MKKS: variants seen among roughly 807,000 people sequenced by gnomAD.
The protein encoded by MKKS is molecular chaperone MKKS.
Under a neutral mutation model 33.2 loss-of-function variants are expected in MKKS, and 29 were observed. The observed-to-expected ratio is 0.87, with a 90% CI of 0.65 to 1.19. The LOEUF is 1.19. Among genes scored for constraint, MKKS ranks in the 50% most tolerant of loss-of-function variants. MKKS has a pLI of 0.00. For missense variants in MKKS, 661 were observed against 662.3 expected, an observed-to-expected ratio of 1.00 and a Z score of 0.02; for synonymous variants, 260 against 244.0, an observed-to-expected ratio of 1.07 and a Z score of -0.61.
chr20:10,423,383 T>C (rs953847183), intron 1 of MKKS, among the ~76,000 whole-genome samples: 1 of 151,910 alleles, frequency 6.6e-6, no homozygotes, highest in South Asian at 2.1e-4. Flanking sequence ...GATAACACCA[T>C]TGCACTCCAG....
chr20:10,415,998 C>T lies in MKKS; in HGVS notation c.-417-2067G>A, dbSNP rs190623695. Among the ~76,000 whole-genome samples, 241 of 152,178 alleles carry T rather than the reference C, an allele frequency of 1.6e-3. 1 individual carries two copies. Among genetic ancestry groups the T allele is most frequent in the Middle Eastern group, 0.014 (4 of 294 alleles). On this transcript the variant is annotated intron_variant, in intron 2 of 5. Transcript: ENST00000347364. ...AGAAAGAGAAAAGAGAAAAAAAAAC[C>T]AAACCACTGGGGCTGGTTTATAGAA...
In MKKS at chr20:10,401,555, C is replaced by G. The variant is rs984122285; in HGVS notation, c.*3692G>C. ...TAACCTAACTAATTGTATGTTTTGT[C>G]AAGGCCTGCATTGATTTTTTACATG... On this transcript the variant is annotated 3_prime_UTR_variant, in exon 6 of 6. Transcript: ENST00000347364. 1.3e-5 allele frequency: 2 copies of G among 152,126 alleles called. No individual in the cohort carries two copies. The highest frequency in any genetic ancestry group is 4.8e-5 in the African/African-American group (2 of 41,436). 9.4% of individuals were successfully genotyped at this position (152,126 alleles called of 1,614,324 possible). A position where few individuals can be genotyped will look rare whatever the true frequency, so the allele number is the denominator to read the frequency against.
chr20:10,416,988 T>C (rs1348281516), intron 2 of MKKS, among the ~76,000 whole-genome samples: 3 of 152,084 alleles, frequency 2.0e-5, no homozygotes, highest in Non-Finnish European at 4.4e-5. Flanking sequence ...AGAAAAAAAG[T>C]TTGCCAATTT....
At chr20:10,432,505 G>A (rs114264357) in intron 1 of MKKS, among the ~76,000 whole-genome samples, 1,840 of 152,210 alleles carry the variant, frequency 0.012, 35 homozygotes, top group African/African-American at 0.042. Context: ...TAAAAATTGT[G>A]TAGTAGGCCA....
At chr20:10,417,649 T>A (rs1044857434) in intron 2 of MKKS, among the ~76,000 whole-genome samples, 1 of 142,192 alleles carries the variant, frequency 7.0e-6, no homozygotes, top group Admixed American at 7.4e-5. Context: ...ATGCTACTGC[T>A]ACTGCACTGT....
At chr20:10,432,789 CAAAAAAAAAAAAAA>C (rs71184200) in intron 1 of MKKS, among the ~76,000 whole-genome samples, 2 of 74,560 alleles carry the variant, frequency 2.7e-5, no homozygotes, top group Admixed American at 1.9e-4. Context: ...GACTCTTTGT[CAAAAAAAAAAAAAA>C]AAAAAAAAAA....
chr20:10,406,473 C>A lies in MKKS; in HGVS notation c.1273-786G>T, dbSNP rs578192920. 1.4e-4 allele frequency among the ~76,000 whole-genome samples: 21 copies of A among 152,262 alleles called. 1 individual carries two copies. Among genetic ancestry groups the A allele is most frequent in the African/African-American group, 5.1e-4 (21 of 41,558 alleles). ...CTACAGTATTCAGTACAGTAATATG[C>A]TGTAAGGGTTTGTAGCCTAGGAGCA... On this transcript the variant is annotated intron_variant, in intron 5 of 5. Transcript: ENST00000347364.
At chr20:10,433,963 T>G (rs2065077059) in intron 1 of MKKS, 145 bp downstream of exon 1, 1 of 152,188 alleles carries the variant, frequency 6.6e-6, no homozygotes, top group Non-Finnish European at 1.5e-5. Context: ...AGAGCCAGCC[T>G]CCTCCTTGTC....
chr20:10,421,943 T>C (rs16991555), intron 1 of MKKS, among the ~76,000 whole-genome samples: 8,028 of 152,112 alleles, frequency 0.053, 254 homozygotes, highest in Admixed American at 0.079. Flanking sequence ...TGCTATGAAC[T>C]TGGCTCAATT....
At chr20:10,424,419 A>T (rs887940663) in intron 1 of MKKS, among the ~76,000 whole-genome samples, 5 of 152,124 alleles carry the variant, frequency 3.3e-5, no homozygotes, top group Non-Finnish European at 7.4e-5. Context: ...ATATTTTTAA[A>T]AAATGACATT....
At position 10,421,292 on chromosome 20, in the gene MKKS, C is replaced by T. The variant is rs543341081; in HGVS notation, c.-648-534G>A. Among the ~76,000 whole-genome samples, 322 of 151,732 alleles carry T rather than the reference C, an allele frequency of 2.1e-3. 2 individuals carry two copies. The highest frequency in any genetic ancestry group is 6.6e-3 in the African/African-American group (272 of 41,376). On this transcript the variant is annotated intron_variant, in intron 1 of 5. Transcript: ENST00000347364. ...TAAAAGTATTAGTCGGATATGGTGG[C>T]GCATGCCTGTAATCCTAGCTACTCT...
At chr20:10,421,856 T>C (rs183639212) in intron 1 of MKKS, among the ~76,000 whole-genome samples, 1 of 151,870 alleles carries the variant, frequency 6.6e-6, no homozygotes, top group East Asian at 1.9e-4. Context: ...ATCTGTTGGG[T>C]TTGGGAACTT....
chr20:10,404,357 C>CG lies in MKKS; in HGVS notation c.*889dup, dbSNP rs1298741765. The CG allele has an allele frequency of 3.3e-5, 5 of 151,430 alleles. No individual in the cohort carries two copies. The highest frequency in any genetic ancestry group is 5.9e-5 in the Non-Finnish European group (4 of 67,958). 9.4% of individuals were successfully genotyped at this position (151,430 alleles called of 1,614,324 possible). On this transcript the variant is annotated 3_prime_UTR_variant, in exon 6 of 6. Coordinates refer to ENST00000347364, the MANE Select transcript of MKKS (RefSeq NM_170784.3). ...CTCAACCAACAACAGTTTTGCTCTT[C>CG]GGGGGACATTTGGCAATGTCTGGAA...
chr20:10,406,925 T>A (rs1381586309), intron 5 of MKKS, among the ~76,000 whole-genome samples: 1 of 152,202 alleles, frequency 6.6e-6, no homozygotes, highest in East Asian at 1.9e-4. Context: ...AATCGATTGC[T>A]AATATCTGGA....
At position 10,428,959 on chromosome 20, in the gene MKKS, C is replaced by T. The variant is rs570092326; in HGVS notation, c.-649+5149G>A. ...TCTTTGGGGTTCTAACTTCATTATC[C>T]CCTCTCATCTACCTCCAACCTTCCA... On this transcript the variant is annotated intron_variant, in intron 1 of 5. Transcript: ENST00000347364. Among the ~76,000 whole-genome samples the T allele has an allele frequency of 1.3e-4, 20 of 152,126 alleles. 1 individual carries two copies. The highest frequency in any genetic ancestry group is 4.8e-4 in the African/African-American group (20 of 41,464).
intron 1 of MKKS, among the ~76,000 whole-genome samples, chr20:10,429,793 G>T (rs752759485): frequency 2.6e-5 from 4 of 152,102 alleles, no homozygotes; most frequent in Non-Finnish European, 5.9e-5. Flanking sequence ...AATTCCAGTA[G>T]TTCTCAAACT....
intron 5 of MKKS, among the ~76,000 whole-genome samples, 176 bp from the exon 6 acceptor site, chr20:10,405,863 C>T (rs1363086379): frequency 2.0e-5 from 3 of 152,062 alleles, no homozygotes; most frequent in African/African-American, 7.2e-5. Context: ...GGGTTGCAAA[C>T]CCTTAACTAG....
chr20:10,403,492 T>C lies in MKKS; in HGVS notation c.*1755A>G, dbSNP rs1381888638. 1 of 152,172 alleles carries C rather than the reference T, an allele frequency of 6.6e-6. No homozygotes were observed. Among genetic ancestry groups the C allele is most frequent in the Non-Finnish European group, 1.5e-5 (1 of 68,036 alleles). The allele number at this position is 152,172 out of a possible 1,614,324, so 9.4% of individuals were successfully genotyped here. On this transcript the variant is annotated 3_prime_UTR_variant, in exon 6 of 6. Transcript: ENST00000347364. ...TTGGAATCAAGTCAGGGTGATATCATAACTGGAATCACCCCAGGCTTCCTC... is the reference window on the plus strand; with the variant it reads ...TTGGAATCAAGTCAGGGTGATATCACAACTGGAATCACCCCAGGCTTCCTC...
At chr20:10,423,331 G>T (rs190255145) in intron 1 of MKKS, among the ~76,000 whole-genome samples, 1 of 152,138 alleles carries the variant, frequency 6.6e-6, no homozygotes, top group East Asian at 1.9e-4. Context: ...TGAGGTAGGA[G>T]GATCGCTTGG....
Sources: allele counts gnomAD v4.1 joint callset (sites outside exome capture counted in the v4.1 genomes callset), GRCh38; gene constraint gnomAD v4.1.1; transcripts MANE v1.5; gene names NCBI Gene and HGNC (gene_info 2026-07-23, HGNC 2026-07-21).